CEP112: variants seen among roughly 807,000 people sequenced by gnomAD.
CEP112 encodes centrosomal protein 112, also known as centrosomal protein of 112 kDa.
CEP112 carries 127 observed loss-of-function variants against 153.0 expected under a neutral mutation model. The ratio of observed to expected loss-of-function variants is 0.83; its 90% CI spans 0.72 to 0.96. The LOEUF is 0.96. Among genes scored for constraint, CEP112 ranks in the 40% least tolerant of loss-of-function variants. The pLI is 0.00. For missense variants in CEP112, 1,089 were observed against 1,101.2 expected (o/e 0.99, Z 0.16); for synonymous variants, 358 against 374.4 (o/e 0.96, Z 0.51).
chr17:65,892,521 AT>A (rs534418263), intron 20 of CEP112, among the ~76,000 whole-genome samples: 12,153 of 147,210 alleles, frequency 0.083, 546 homozygotes, highest in South Asian at 0.12. Flanking sequence ...GTAGATGATG[AT>A]TTTTTTTTTT....
intron 21 of CEP112, among the ~76,000 whole-genome samples, chr17:65,795,819 A>G (rs887258087): frequency 6.6e-6 from 1 of 152,254 alleles, no homozygotes; most frequent in Non-Finnish European, 1.5e-5. Flanking sequence ...CTCGAAATAA[A>G]TAAATAAATA....
chr17:65,806,008 C>T (rs1180279653), intron 21 of CEP112, among the ~76,000 whole-genome samples: 1 of 152,118 alleles, frequency 6.6e-6, no homozygotes, highest in Non-Finnish European at 1.5e-5. Flanking sequence ...ATTATTTTGT[C>T]CTATTCTGTT....
intron 17 of CEP112, among the ~76,000 whole-genome samples, chr17:65,987,475 T>C (rs1273962463): frequency 6.6e-6 from 1 of 152,102 alleles, no homozygotes; most frequent in Non-Finnish European, 1.5e-5. Context: ...AAAACAATAT[T>C]AGAAATAAAC....
intron 19 of CEP112, chr17:65,913,894 C>G (rs923200553): frequency 2.0e-6 from 2 of 984,456 alleles, no homozygotes; most frequent in African/African-American, 3.5e-5. Flanking sequence ...AAACACTTCT[C>G]CAGCACCTGT....
At chr17:66,015,026 T>G (rs1158871695) in intron 16 of CEP112, among the ~76,000 whole-genome samples, 1 of 152,234 alleles carries the variant, frequency 6.6e-6, no homozygotes, top group Non-Finnish European at 1.5e-5. Context: ...TGGTATTTTG[T>G]CAAGGACATC....
chr17:65,963,253 T>G (rs1247421673), intron 17 of CEP112, among the ~76,000 whole-genome samples: 1 of 149,210 alleles, frequency 6.7e-6, no homozygotes, highest in African/African-American at 2.5e-5. Context: ...TACTATTAGC[T>G]GTAACACTGA....
At chr17:65,730,562 G>A (rs565311946) in intron 23 of CEP112, among the ~76,000 whole-genome samples, 2 of 152,224 alleles carry the variant, frequency 1.3e-5, no homozygotes, top group African/African-American at 4.8e-5. Context: ...CCCTACGGAC[G>A]TGCATACAGG....
chr17:65,774,195 C>T (rs1414398412), intron 21 of CEP112, among the ~76,000 whole-genome samples: 1 of 152,024 alleles, frequency 6.6e-6, no homozygotes, highest in Non-Finnish European at 1.5e-5. Context: ...CTCCCTGCTT[C>T]CCTCACCCCC....
intron 19 of CEP112, among the ~76,000 whole-genome samples, chr17:65,918,544 C>T (rs941191198): frequency 6.6e-6 from 1 of 152,130 alleles, no homozygotes; most frequent in African/African-American, 2.4e-5. Flanking sequence ...ATTTCTCCTT[C>T]AAGGCTTTGT....
intron 21 of CEP112, among the ~76,000 whole-genome samples, chr17:65,794,150 G>T (rs1189929914): frequency 1.3e-5 from 2 of 152,160 alleles, no homozygotes; most frequent in African/African-American, 4.8e-5. Context: ...CCGATGGGGA[G>T]TAATAAAAAG....
At chr17:65,897,178 G>T (rs2059686297) in intron 20 of CEP112, among the ~76,000 whole-genome samples, 1 of 152,094 alleles carries the variant, frequency 6.6e-6, no homozygotes. Flanking sequence ...AACAGCAACA[G>T]CTTCATTAGG....
intron 1 of CEP112, among the ~76,000 whole-genome samples, chr17:66,188,028 G>A (rs1428069434): frequency 1.3e-5 from 2 of 151,932 alleles, no homozygotes; most frequent in Non-Finnish European, 2.9e-5. Flanking sequence ...TCACTGCCAC[G>A]ATCTCAGATA....
Position 65,788,519 on chromosome 17 carries a change from G to C in CEP112, c.2395-37795C>G, listed in dbSNP as rs142052999. 8.3e-3 allele frequency among the ~76,000 whole-genome samples: 1,262 copies of C among 152,154 alleles called. 14 individuals carry two copies. The highest frequency in any genetic ancestry group is 0.02 in the South Asian group (97 of 4,830). ...GGTAAGAACTTGACCAAAATCATTT[G>C]AGTCTGATGTTTTCTTTAATAAAAT... On this transcript the variant is annotated intron_variant, in intron 21 of 26. Coordinates refer to ENST00000535342, the MANE Select transcript of CEP112 (RefSeq NM_001199165.4).
At chr17:65,746,592 T>C (rs2051485876) in intron 22 of CEP112, among the ~76,000 whole-genome samples, 1 of 152,186 alleles carries the variant, frequency 6.6e-6, no homozygotes, top group African/African-American at 2.4e-5. Flanking sequence ...CTACTGGTTG[T>C]AGACCCAGAG....
At chr17:65,837,205 A>G (rs2057341406) in intron 21 of CEP112, among the ~76,000 whole-genome samples, 2 of 152,150 alleles carry the variant, frequency 1.3e-5, no homozygotes, top group African/African-American at 4.8e-5. Context: ...CCAAGATTGC[A>G]GCCTCTGCCC....
At chr17:66,186,260 T>C (rs1164164840) in intron 1 of CEP112, among the ~76,000 whole-genome samples, 1 of 152,148 alleles carries the variant, frequency 6.6e-6, no homozygotes, top group East Asian at 1.9e-4. Context: ...AAGAAACCCG[T>C]CTGAAACTAG....
chr17:66,014,219 C>A (rs1392074541), intron 16 of CEP112, among the ~76,000 whole-genome samples: 1 of 152,096 alleles, frequency 6.6e-6, no homozygotes, highest in Non-Finnish European at 1.5e-5. Context: ...TGTGAGTGGG[C>A]CAGTGCATGT....
At chr17:65,920,362 A>AAAATATATATATATAT (rs1555713324) in intron 19 of CEP112, among the ~76,000 whole-genome samples, 1 of 42,778 alleles carries the variant, frequency 2.3e-5, no homozygotes, top group African/African-American at 8.6e-5. Flanking sequence ...AAACAAACAA[A>AAAATATATATATATAT]ATATATATAT....
At chr17:65,685,234 C>G (rs2144306587) in intron 24 of CEP112, among the ~76,000 whole-genome samples, 1 of 152,288 alleles carries the variant, frequency 6.6e-6, no homozygotes, top group African/African-American at 2.4e-5. Context: ...TGATGAGAAG[C>G]AGCTTTTGGT....
Sources: gnomAD v4.1 joint callset for allele counts (sites outside exome capture counted in the v4.1 genomes callset) on GRCh38, gnomAD v4.1.1 for gene constraint, MANE v1.5 for transcripts, NCBI Gene and HGNC (gene_info 2026-07-23, HGNC 2026-07-21) for gene names.